The following CASK variants were observed in gnomAD, a reference collection of about 807,000 sequenced individuals.
CASK encodes the protein peripheral plasma membrane protein CASK.
A neutral mutation model predicts 82.9 loss-of-function variants in CASK; 4 were observed. The ratio of observed to expected loss-of-function variants is 0.05; its 90% CI spans 0.02 to 0.11. The LOEUF (loss-of-function observed/expected upper bound fraction) is 0.11. CASK is among the 10% of genes least tolerant of loss of function. The probability of loss-of-function intolerance (pLI) is 1.00; values close to 1 mark genes in which losing one functional copy is unlikely to be tolerated. For synonymous variants in CASK, 259 were observed against 253.5 expected, an observed-to-expected ratio of 1.02 and a Z score of -0.20; for missense variants, 358 against 720.9, an observed-to-expected ratio of 0.50 and a Z score of 5.76.
chrX:41,782,927 T>C (rs1334415649), intron 3 of CASK, among the ~76,000 whole-genome samples: 5 of 111,676 alleles, frequency 4.5e-5, no homozygotes, highest in Non-Finnish European at 5.6e-5. Flanking sequence ...GGTTGATCAC[T>C]TGAGGCCAGG....
intron 3 of CASK, among the ~76,000 whole-genome samples, chrX:41,757,648 G>T (rs1305030856): frequency 8.9e-6 from 1 of 112,121 alleles, no homozygotes; most frequent in Non-Finnish European, 1.9e-5. Flanking sequence ...TCCTGCCTCA[G>T]CCTCACAAGT....
chrX:41,676,455 C>T (rs2067266431), intron 5 of CASK: 12 of 1,197,872 alleles, frequency 1.0e-5, no homozygotes, highest in South Asian at 1.8e-5. Context: ...TCAGCCTGCT[C>T]GGCCAGTTTG....
intron 7 of CASK, among the ~76,000 whole-genome samples, chrX:41,663,582 T>C (rs2067069856): frequency 8.9e-6 from 1 of 112,262 alleles, no homozygotes; most frequent in African/African-American, 3.2e-5. Flanking sequence ...GTTTTAAAAA[T>C]AGACGAAATA....
chrX:41,612,691 C>T (rs1407813073), intron 11 of CASK, among the ~76,000 whole-genome samples: 2 of 86,087 alleles, frequency 2.3e-5, no homozygotes, highest in Non-Finnish European at 4.6e-5. Flanking sequence ...CCGCCCCGTC[C>T]GGGAGGGAGG....
At chrX:41,542,235 G>A (rs1394034087) in intron 22 of CASK, among the ~76,000 whole-genome samples, 1 of 112,427 alleles carries the variant, frequency 8.9e-6, no homozygotes, top group Non-Finnish European at 1.9e-5. Context: ...ACCAACCACA[G>A]AACCATTTGT....
At chrX:41,837,040 T>C (rs1202181854) in intron 2 of CASK, among the ~76,000 whole-genome samples, 3 of 112,391 alleles carry the variant, frequency 2.7e-5, no homozygotes, top group Non-Finnish European at 5.6e-5. Context: ...TTTGGAATGT[T>C]TGGAAACCAA....
intron 1 of CASK, among the ~76,000 whole-genome samples, chrX:41,894,210 T>A (rs2072229844): frequency 9.1e-6 from 1 of 109,818 alleles, no homozygotes; most frequent in African/African-American, 3.3e-5. Context: ...AAAGAATTCT[T>A]AAAAAAAATA....
At chrX:41,609,707 C>A (rs1159641335) in intron 12 of CASK, among the ~76,000 whole-genome samples, 197 bp downstream of exon 12, 1 of 109,294 alleles carries the variant, frequency 9.1e-6, no homozygotes, top group East Asian at 2.9e-4. Context: ...TACAGGCATG[C>A]GCCACCACAC....
At chrX:41,671,662 T>C in intron 5 of CASK, 132 bp from the exon 6 acceptor site, 1 of 500,503 alleles carries the variant, frequency 2.0e-6, no homozygotes, top group East Asian at 3.7e-5. Flanking sequence ...AACTTCTAAA[T>C]TATTCTGGAT....
chrX:41,640,043 T>C (rs754499276), intron 8 of CASK, among the ~76,000 whole-genome samples: 3 of 111,812 alleles, frequency 2.7e-5, no homozygotes, highest in Non-Finnish European at 5.6e-5. Flanking sequence ...AATATTAATG[T>C]CTTTGTATGA....
In CASK at chrX:41,589,458, T is replaced by C. The variant is rs1322821338; in HGVS notation, c.1233+57A>G. The C allele has an allele frequency of 6.0e-6, 5 of 829,023 alleles. No homozygotes were observed. In the African/African-American group the frequency reaches 1.0e-4, roughly 17 times the overall value. 68.3% of individuals were successfully genotyped at this position (829,023 alleles called of 1,213,427 possible). A position where few individuals can be genotyped will look rare whatever the true frequency, so the allele number is the denominator to read the frequency against. On this transcript the variant is annotated intron_variant, in intron 13 of 26. Transcript: ENST00000378163. ...CTCTTAATGTGCAACAGAAATGTCTTCAATAAAGGTGGCAAATATGATGAT... is the reference window on the plus strand; with the variant it reads ...CTCTTAATGTGCAACAGAAATGTCTCCAATAAAGGTGGCAAATATGATGAT...
chrX:41,546,613 G>A (rs774514359), intron 21 of CASK, among the ~76,000 whole-genome samples: 5 of 110,383 alleles, frequency 4.5e-5, no homozygotes, highest in African/African-American at 1.7e-4. Flanking sequence ...GACTACAGGT[G>A]TGCGCCACTA....
At chrX:41,617,669 T>C (rs1468050973) in intron 11 of CASK, among the ~76,000 whole-genome samples, 1 of 111,847 alleles carries the variant, frequency 8.9e-6, no homozygotes, top group Non-Finnish European at 1.9e-5. Context: ...ACCAACCATC[T>C]AAAAATCCCA....
intron 2 of CASK, among the ~76,000 whole-genome samples, chrX:41,847,094 G>A (rs1400973209): frequency 1.8e-5 from 2 of 111,584 alleles, no homozygotes; most frequent in Admixed American, 1.9e-4. Flanking sequence ...GTTTGTTTTT[G>A]CATTTATCCT....
At chrX:41,873,283 C>CAAAAAAAAAAAAAAAA in intron 1 of CASK, among the ~76,000 whole-genome samples, 1 of 31,298 alleles carries the variant, frequency 3.2e-5, no homozygotes, top group Non-Finnish European at 5.5e-5. Context: ...TTCTTCCTCA[C>CAAAAAAAAAAAAAAAA]AAAAAAAAAA....
chrX:41,530,950 T>C lies in CASK; in HGVS notation c.2520+57A>G, dbSNP rs1244949840. 5 of 1,021,355 alleles carry C rather than the reference T, an allele frequency of 4.9e-6. No individual in the cohort carries two copies. The East Asian group carries it at 1.2e-4, about 25-fold the overall frequency. The allele number at this position is 1,021,355 out of a possible 1,213,427, so 84.2% of individuals were successfully genotyped here. A position where few individuals can be genotyped will look rare whatever the true frequency, so the allele number is the denominator to read the frequency against. On this transcript the variant is annotated intron_variant, in intron 25 of 26. Transcript: ENST00000378163. ...TCTGATGGCATTTTTGATTTCAGAA[T>C]CTGTGCTTATTGGCATGCAGGCAGG... is the stretch of plus-strand genomic sequence containing the variant.
At chrX:41,624,434 C>A (rs1445114328) in intron 10 of CASK, among the ~76,000 whole-genome samples, 1 of 112,107 alleles carries the variant, frequency 8.9e-6, no homozygotes, top group Non-Finnish European at 1.9e-5. Context: ...TTGGAAATCA[C>A]CTTCACTCAA....
At chrX:41,739,776 A>G (rs1189599243) in intron 4 of CASK, among the ~76,000 whole-genome samples, 1 of 112,315 alleles carries the variant, frequency 8.9e-6, no homozygotes, top group African/African-American at 3.2e-5. Flanking sequence ...TTTCCCCAAT[A>G]CTCAGGTAAT....
chrX:41,857,625 G>A (rs912693118), intron 1 of CASK, among the ~76,000 whole-genome samples: 2 of 111,871 alleles, frequency 1.8e-5, no homozygotes, highest in African/African-American at 6.5e-5. Context: ...CAATAGAAGC[G>A]TTGGCCGATA....
Sources: gnomAD v4.1 joint callset for allele counts (sites outside exome capture counted in the v4.1 genomes callset) on GRCh38, gnomAD v4.1.1 for gene constraint, MANE v1.5 for transcripts, NCBI Gene and HGNC (gene_info 2026-07-23, HGNC 2026-07-21) for gene names.